NRXN2: variants seen among roughly 807,000 people sequenced by gnomAD.
NRXN2 encodes neurexin-2-beta.
In NRXN2, 29 loss-of-function variants were observed where a neutral mutation model predicts 128.8. The observed-to-expected ratio is 0.23, with a 90% CI of 0.17 to 0.31. NRXN2 has a LOEUF of 0.31. Ranked by LOEUF, NRXN2 falls within the 10% of genes least tolerant of loss-of-function variation. The probability of loss-of-function intolerance (pLI) is 1.00; values close to 1 mark genes in which losing one functional copy is unlikely to be tolerated. For synonymous variants in NRXN2, 1,098 were observed against 1,075.2 expected (o/e 1.02, Z -0.41); for missense variants, 1,881 against 2,452.6 (o/e 0.77, Z 4.92).
At chr11:64,708,411 C>T (rs1345971132) in intron 2 of NRXN2, among the ~76,000 whole-genome samples, 2 of 152,200 alleles carry the variant, frequency 1.3e-5, no homozygotes, top group Non-Finnish European at 2.9e-5. Flanking sequence ...CCCTTTTTAG[C>T]CCCTTCTCCA....
chr11:64,629,314 C>T (rs1456445413), intron 19 of NRXN2, among the ~76,000 whole-genome samples: 2 of 152,266 alleles, frequency 1.3e-5, no homozygotes, highest in African/African-American at 2.4e-5. Context: ...CTCCCTGCAG[C>T]GTTCCTGTTT....
chr11:64,701,457 G>T (rs1482501527), intron 2 of NRXN2, among the ~76,000 whole-genome samples: 1 of 152,172 alleles, frequency 6.6e-6, no homozygotes, highest in East Asian at 1.9e-4. Context: ...CCAAGTCAAG[G>T]GCTAGCTACA....
rs1041650760 is a variant in NRXN2 at position 64,713,486 on chromosome 11, C to T, written c.214G>A (p.Gly72Ser). 3.9e-6 allele frequency: 6 copies of T among 1,533,504 alleles called. No homozygotes were observed. In the African/African-American group the frequency reaches 4.2e-5, roughly 11 times the overall value. 95.0% of individuals were successfully genotyped at this position (1,533,504 alleles called of 1,614,324 possible). Residue 72 changes from glycine to serine, a missense_variant, in exon 2 of 23, where the codon GGC (glycine) becomes AGC (serine). Gly to Ser is a moderately conservative substitution (Grantham distance 56, BLOSUM62 0). This residue lies in a region of NRXN2 where 997 missense variants were observed against 1,240.8 expected (regional missense o/e 0.80). Transcript: ENST00000265459. Reference protein sequence around the residue: ...TRALLLYLDDGGDCDFLELLL... With the variant: ...TRALLLYLDDSGDCDFLELLL... The stretch of plus-strand genomic sequence containing the variant: ...AGCTCCAGGAAGTCGCAGTCGCCGC[C>T]GTCGTCCAGGTAGAGCAGCAGCGCG...
intron 20 of NRXN2, chr11:64,624,038 G>A (rs2135338104): frequency 6.6e-6 from 1 of 150,930 alleles, no homozygotes; most frequent in Non-Finnish European, 1.5e-5. Context: ...TTTGGTTTTG[G>A]TGCTGCTTAT....
rs762458128 is a variant in NRXN2, at chr11:64,651,634, G to C, written c.2539C>G (p.Gln847Glu). 5.6e-6 allele frequency: 9 copies of C among 1,613,742 alleles called. No homozygotes were observed. Among genetic ancestry groups the C allele is most frequent in the Non-Finnish European group, 7.6e-6 (9 of 1,179,996 alleles). The change falls in exon 14 of 23, where the codon CAG becomes GAG. Residue 847 changes from glutamine to glutamate, a missense_variant and splice_region_variant. By Grantham distance (29) the Gln-to-Glu change is conservative. Coordinates refer to ENST00000265459, the MANE Select transcript of NRXN2 (RefSeq NM_015080.4). The surrounding 1 kb of genome is among the most constrained non-coding windows in gnomAD (Gnocchi z 5.9). ...LSVDNVTVEG[Q>E]MAGAHMRLEF... ...AGCCGCATATGGGCTCCTGCCATCT[G>C]TCCTGCTCAGGACAGGAGACCAAGA...
At chr11:64,717,845 AG>A (rs1336865217) in intron 1 of NRXN2, among the ~76,000 whole-genome samples, 2 of 152,178 alleles carry the variant, frequency 1.3e-5, no homozygotes, top group African/African-American at 4.8e-5. Flanking sequence ...AAAGGGTGTG[AG>A]GGCTCCAAGG....
At chr11:64,650,760 A>C in intron 14 of NRXN2, 122 bp from the exon 15 acceptor site, 1 of 943,350 alleles carries the variant, frequency 1.1e-6, no homozygotes, top group Non-Finnish European at 1.6e-6. Flanking sequence ...TGAAAGGGAG[A>C]CCCCAGAGGA....
chr11:64,664,947 G>T (rs1205835823), intron 9 of NRXN2, among the ~76,000 whole-genome samples: 1 of 149,400 alleles, frequency 6.7e-6, no homozygotes, highest in African/African-American at 2.5e-5. Flanking sequence ...CTGAGATCAC[G>T]CCACTGCACT....
chr11:64,636,750 G>A (rs754065900), intron 17 of NRXN2, among the ~76,000 whole-genome samples: 1 of 152,146 alleles, frequency 6.6e-6, no homozygotes, highest in Non-Finnish European at 1.5e-5. Context: ...GTGGGGGGCA[G>A]GAGGGCCTGC....
intron 22 of NRXN2, among the ~76,000 whole-genome samples, chr11:64,617,427 T>G (rs1172520100): frequency 6.6e-6 from 1 of 152,144 alleles, no homozygotes; most frequent in Non-Finnish European, 1.5e-5. Flanking sequence ...GTGGGTACAT[T>G]ACCGATGGTG....
intron 22 of NRXN2, among the ~76,000 whole-genome samples, chr11:64,614,989 C>T (rs973458845): frequency 1.3e-5 from 2 of 152,210 alleles, no homozygotes; most frequent in Non-Finnish European, 2.9e-5. Flanking sequence ...TTGATGACCA[C>T]AGGCAAGCCG....
At chr11:64,688,971 G>A (rs1359751723) in intron 5 of NRXN2, 1 of 234,540 alleles carries the variant, frequency 4.3e-6, no homozygotes, top group Non-Finnish European at 7.0e-6. Flanking sequence ...AATGTGATGT[G>A]AGAAAGAAGA....
intron 11 of NRXN2, chr11:64,656,051 CAG>C (rs1023669389): frequency 6.6e-6 from 1 of 151,928 alleles, no homozygotes; most frequent in African/African-American, 2.4e-5. Context: ...GAAAGGAACT[CAG>C]GGGAAAGAAC....
chr11:64,687,846 G>A (rs527992115), intron 5 of NRXN2, among the ~76,000 whole-genome samples: 48 of 152,322 alleles, frequency 3.2e-4, no homozygotes, highest in African/African-American at 1.0e-3. Context: ...AGTGGACAGG[G>A]ACCTCTAGGG....
chr11:64,673,289 C>T (rs2050862833), intron 7 of NRXN2, among the ~76,000 whole-genome samples: 1 of 152,242 alleles, frequency 6.6e-6, no homozygotes, highest in Admixed American at 6.5e-5. Context: ...AGCCTGATCA[C>T]ACCTAATCCG....
At chr11:64,650,085 G>A (rs1470016097) in intron 15 of NRXN2, among the ~76,000 whole-genome samples, 1 of 152,070 alleles carries the variant, frequency 6.6e-6, no homozygotes, top group Non-Finnish European at 1.5e-5. Context: ...CCTCACCCAG[G>A]AGGATGCTAA....
intron 7 of NRXN2, 59 bp downstream of exon 7, chr11:64,676,934 C>T (rs933587714): frequency 1.4e-5 from 20 of 1,403,716 alleles, no homozygotes; most frequent in Admixed American, 1.7e-5. Flanking sequence ...GAGGGAGAAT[C>T]GAACAGTTAA....
chr11:64,622,365 G>T lies in NRXN2; in HGVS notation c.4173+388C>A, dbSNP rs1373931280. 6.6e-6 allele frequency among the ~76,000 whole-genome samples: 1 copy of T among 152,184 alleles called. No homozygotes were observed. Among genetic ancestry groups the T allele is most frequent in the Non-Finnish European group, 1.5e-5 (1 of 68,032 alleles). ...TGGTACCATCCATCTCCCACTCTCT[G>T]CCCACACAGAACGCTAGGCATGGCC... On this transcript the variant is annotated intron_variant, in intron 21 of 22. Transcript: ENST00000265459. The surrounding 1 kb of genome is among the most constrained non-coding windows in gnomAD (Gnocchi z 4.3).
At chr11:64,643,707 G>A (rs1352892629) in intron 17 of NRXN2, among the ~76,000 whole-genome samples, 1 of 151,738 alleles carries the variant, frequency 6.6e-6, no homozygotes, top group Non-Finnish European at 1.5e-5. Flanking sequence ...CAGCCGCGCG[G>A]CACCTGGCTA....
Sources: allele counts gnomAD v4.1 joint callset (sites outside exome capture counted in the v4.1 genomes callset), GRCh38; gene constraint gnomAD v4.1.1; regional missense constraint gnomAD v4.1.1; non-coding constraint Gnocchi (gnomAD v3.1); transcripts MANE v1.5; gene names NCBI Gene and HGNC (gene_info 2026-07-23, HGNC 2026-07-21).